Variants in LRRIQ1 observed in about 807,000 individuals in gnomAD.
LRRIQ1 encodes leucine rich repeats and IQ motif containing 1.
Under a neutral mutation model 211.9 loss-of-function variants are expected in LRRIQ1, and 210 were observed. The observed-to-expected ratio is 0.99, with a 90% CI of 0.89 to 1.11. LRRIQ1 has a LOEUF of 1.11. LRRIQ1 is among the 50% of genes most tolerant of loss of function. LRRIQ1 has a pLI of 0.00. For synonymous variants in LRRIQ1, 699 were observed against 650.1 expected (o/e 1.08, Z -1.14); for missense variants, 2,136 against 1,939.5 (o/e 1.10, Z -1.90).
chr12:85,249,847 G>A (rs1375083964), downstream of LRRIQ1, among the ~76,000 whole-genome samples: 7 of 151,804 alleles, frequency 4.6e-5, no homozygotes, highest in Admixed American at 2.6e-4. Flanking sequence ...TATAAAAAGC[G>A]CTCTATGATG....
intron 24 of LRRIQ1, among the ~76,000 whole-genome samples, chr12:85,212,798 A>C (rs1893899836): frequency 6.7e-6 from 1 of 149,784 alleles, no homozygotes; most frequent in Non-Finnish European, 1.5e-5. Flanking sequence ...AGAGAGAGAG[A>C]GAAAGAGAGA....
chr12:85,267,815 CTTTTG>C (rs1896455235), downstream of LRRIQ1, among the ~76,000 whole-genome samples: 1 of 151,988 alleles, frequency 6.6e-6, no homozygotes, highest in South Asian at 2.1e-4. Flanking sequence ...GTTAAAAGAA[CTTTTG>C]TTTTTTTGTA....
chr12:85,052,871 G>A (rs1880497744), intron 7 of LRRIQ1, among the ~76,000 whole-genome samples: 1 of 152,142 alleles, frequency 6.6e-6, no homozygotes, highest in African/African-American at 2.4e-5. Flanking sequence ...GACAAAAAAA[G>A]ACAATAATAG....
chr12:85,055,745 G>A lies in LRRIQ1; in HGVS notation c.952G>A (p.Ala318Thr), dbSNP rs769521354. The change falls in exon 8 of 27, where the codon GCA (alanine) becomes ACA (threonine). Residue 318 changes from alanine (A) to threonine (T), a missense_variant. Coordinates refer to ENST00000393217, the MANE Select transcript of LRRIQ1 (RefSeq NM_001079910.2). ...KEQIESKKRK[A>T]QEWKEKEAKI... ...GCAAATTGAAAGTAAGAAAAGGAAA[G>A]CACAAGAGTGGAAGGAAAAGGAAGC... is the stretch of plus-strand genomic sequence containing the variant. 24 of 1,609,870 alleles carry A rather than the reference G, an allele frequency of 1.5e-5. No individual in the cohort carries two copies. In the South Asian group the frequency reaches 1.8e-4, roughly 12 times the overall value.
chr12:85,070,666 T>G (rs1236443271), intron 10 of LRRIQ1, among the ~76,000 whole-genome samples: 1 of 151,992 alleles, frequency 6.6e-6, no homozygotes, highest in Non-Finnish European at 1.5e-5. Context: ...TCAGAATATT[T>G]CAGTCAGTTG....
intron 24 of LRRIQ1, among the ~76,000 whole-genome samples, chr12:85,168,343 A>G (rs769120739): frequency 6.6e-6 from 1 of 152,242 alleles, no homozygotes; most frequent in Admixed American, 6.5e-5. Context: ...TACCTCCATC[A>G]TGAAGTAGTA....
chr12:85,142,624 C>A (rs950669226), intron 19 of LRRIQ1, among the ~76,000 whole-genome samples: 1 of 151,416 alleles, frequency 6.6e-6, no homozygotes, highest in Non-Finnish European at 1.5e-5. Context: ...CCACCACCAC[C>A]CCCACTGACC....
intron 19 of LRRIQ1, among the ~76,000 whole-genome samples, chr12:85,151,364 A>C (rs1890229103): frequency 6.6e-6 from 1 of 151,632 alleles, no homozygotes; most frequent in Non-Finnish European, 1.5e-5. Flanking sequence ...GGCAGTCAAG[A>C]CACACTGTAA....
chr12:85,085,689 A>G (rs1249125390), intron 11 of LRRIQ1, among the ~76,000 whole-genome samples: 1 of 152,120 alleles, frequency 6.6e-6, no homozygotes, highest in Non-Finnish European at 1.5e-5. Flanking sequence ...AAGATGTAGT[A>G]TTTGGTTTTC....
At chr12:85,210,168 A>G (rs1280009550) in intron 24 of LRRIQ1, among the ~76,000 whole-genome samples, 3 of 152,336 alleles carry the variant, frequency 2.0e-5, no homozygotes, top group African/African-American at 7.2e-5. Flanking sequence ...TGAAAATGAC[A>G]AAGCACAATA....
chr12:85,097,638 G>GA (rs1282475814), intron 11 of LRRIQ1, among the ~76,000 whole-genome samples: 1 of 151,920 alleles, frequency 6.6e-6, no homozygotes, highest in Non-Finnish European at 1.5e-5. Context: ...AACACCTACA[G>GA]AAAAAAATGC....
chr12:85,181,434 T>A (rs1200624324), intron 24 of LRRIQ1, among the ~76,000 whole-genome samples: 1 of 151,934 alleles, frequency 6.6e-6, no homozygotes, highest in Non-Finnish European at 1.5e-5. Context: ...AATAAAATTA[T>A]CTTTTGAAAT....
intron 18 of LRRIQ1, among the ~76,000 whole-genome samples, chr12:85,137,187 T>C (rs1889195790): frequency 6.6e-6 from 1 of 151,286 alleles, no homozygotes; most frequent in African/African-American, 2.4e-5. Context: ...AAAACACTTA[T>C]TTCTCCCTTG....
chr12:85,188,445 G>C (rs1208558292), intron 24 of LRRIQ1, among the ~76,000 whole-genome samples: 1 of 152,188 alleles, frequency 6.6e-6, no homozygotes, highest in Admixed American at 6.6e-5. Context: ...TGCCAACCAG[G>C]TGATAGGTGG....
intron 19 of LRRIQ1, among the ~76,000 whole-genome samples, chr12:85,144,655 A>G (rs547550571): frequency 1.2e-4 from 18 of 151,796 alleles, no homozygotes; most frequent in Admixed American, 3.3e-4. Flanking sequence ...AGGAGAAAAA[A>G]TAGAGAAGAG....
intron 11 of LRRIQ1, among the ~76,000 whole-genome samples, chr12:85,078,833 A>G (rs1021918383): frequency 6.6e-6 from 1 of 151,708 alleles, no homozygotes; most frequent in Non-Finnish European, 1.5e-5. Context: ...CAAGTAGTCG[A>G]AAAAAAATTT....
At chr12:85,170,730 A>C (rs1891376659) in intron 24 of LRRIQ1, among the ~76,000 whole-genome samples, 1 of 151,992 alleles carries the variant, frequency 6.6e-6, no homozygotes, top group African/African-American at 2.4e-5. Context: ...TGTACTTCAG[A>C]GAACAACTAC....
chr12:85,093,910 A>G (rs1016076627), intron 11 of LRRIQ1, among the ~76,000 whole-genome samples: 3 of 152,122 alleles, frequency 2.0e-5, no homozygotes, highest in Admixed American at 6.6e-5. Context: ...CCAACCACAA[A>G]AGACCCCTGA....
intron 24 of LRRIQ1, among the ~76,000 whole-genome samples, chr12:85,187,785 G>A (rs1892294691): frequency 6.7e-6 from 1 of 150,200 alleles, no homozygotes; most frequent in South Asian, 2.1e-4. Flanking sequence ...CTCCAGCCAG[G>A]GCAACAAGAG....
Sources: allele counts gnomAD v4.1 joint callset (sites outside exome capture counted in the v4.1 genomes callset), GRCh38; gene constraint gnomAD v4.1.1; transcripts MANE v1.5; gene names NCBI Gene and HGNC (gene_info 2026-07-23, HGNC 2026-07-21).